The following RBFOX2 variants were observed in gnomAD, a reference collection of about 807,000 sequenced individuals.
RBFOX2 encodes RNA binding fox-1 homolog 2, also known as RNA binding protein fox-1 homolog 2.
A neutral mutation model predicts 49.1 loss-of-function variants in RBFOX2; 10 were observed. That is an observed-to-expected ratio of 0.20 (90% CI 0.13 to 0.35). The LOEUF (loss-of-function observed/expected upper bound fraction) is 0.35. Ranked by LOEUF, RBFOX2 falls within the 10% of genes least tolerant of loss-of-function variation. The probability of loss-of-function intolerance (pLI) is 1.00; values close to 1 mark genes in which losing one functional copy is unlikely to be tolerated. For missense variants in RBFOX2, 323 were observed against 486.9 expected (o/e 0.66, Z 3.17); for synonymous variants, 183 against 187.4 (o/e 0.98, Z 0.19).
intron 2 of RBFOX2, among the ~76,000 whole-genome samples, chr22:35,783,737 C>T (rs984348928): frequency 6.6e-6 from 1 of 152,210 alleles, no homozygotes; most frequent in African/African-American, 2.4e-5. Context: ...ACGTGTCCTG[C>T]ATGGAATCAC....
At chr22:35,890,765 G>A (rs1416292794) in intron 1 of RBFOX2, among the ~76,000 whole-genome samples, 6 of 152,038 alleles carry the variant, frequency 3.9e-5, no homozygotes, top group Non-Finnish European at 1.5e-5. Flanking sequence ...GCACTGAGGA[G>A]TAAATGTTAT....
At chr22:36,020,452 T>C (rs1257590266) in intron 1 of RBFOX2, among the ~76,000 whole-genome samples, 1 of 151,992 alleles carries the variant, frequency 6.6e-6, no homozygotes, top group African/African-American at 2.4e-5. Context: ...ACCATCAGAG[T>C]GAACAGGCAA....
intron 1 of RBFOX2, among the ~76,000 whole-genome samples, chr22:35,854,442 C>T (rs902460654): frequency 7.9e-5 from 12 of 151,924 alleles, no homozygotes; most frequent in Admixed American, 2.0e-4. Flanking sequence ...AAAAAATTAG[C>T]TGGGTATGGT....
At chr22:35,739,951 T>C (rs1601932634) in exon 12 of RBFOX2, 1 of 152,758 alleles carries the variant, frequency 6.5e-6, no homozygotes, top group African/African-American at 2.4e-5. Context: ...ATCTACCGTT[T>C]TCCTGAGTAA....
chr22:35,936,193 C>T (rs1164830615), intron 1 of RBFOX2, among the ~76,000 whole-genome samples: 3 of 128,606 alleles, frequency 2.3e-5, no homozygotes, highest in Non-Finnish European at 4.7e-5. Flanking sequence ...GTATGGGTGA[C>T]AGAGCAAGAC....
At chr22:35,912,676 T>G (rs1373399563) in intron 1 of RBFOX2, among the ~76,000 whole-genome samples, 1 of 152,236 alleles carries the variant, frequency 6.6e-6, no homozygotes, top group Non-Finnish European at 1.5e-5. Context: ...TTTTCAGTTG[T>G]TAAACTTATC....
At chr22:35,767,215 A>C (rs1031725191) in intron 5 of RBFOX2, among the ~76,000 whole-genome samples, 1 of 152,210 alleles carries the variant, frequency 6.6e-6, no homozygotes, top group Non-Finnish European at 1.5e-5. Flanking sequence ...AGCATTGAAA[A>C]TAAAAGGGGG....
chr22:35,869,471 A>G (rs958170472), intron 1 of RBFOX2, among the ~76,000 whole-genome samples: 3 of 65,186 alleles, frequency 4.6e-5, no homozygotes, highest in African/African-American at 3.5e-4. Flanking sequence ...CGGCTGACCA[A>G]AAAAAAAAAA....
In RBFOX2 at chr22:35,818,351, T is replaced by C. The variant is rs150457776; in HGVS notation, c.28-8347A>G. ...CTGTCTGTTCTATTCAATGTAAATA[T>C]TCTATTCCAATGGATTTACACAATC... On this transcript the variant is annotated intron_variant, in intron 1 of 11. Coordinates refer to ENST00000405409, the Ensembl canonical transcript of RBFOX2. Among the ~76,000 whole-genome samples, 1,265 of 152,376 alleles carry C rather than the reference T, an allele frequency of 8.3e-3. 10 individuals carry two copies. Among genetic ancestry groups the C allele is most frequent in the Non-Finnish European group, 0.012 (798 of 68,040 alleles).
At chr22:35,764,958 T>C (rs965219849) in intron 6 of RBFOX2, among the ~76,000 whole-genome samples, 4 of 151,966 alleles carry the variant, frequency 2.6e-5, no homozygotes, top group African/African-American at 7.3e-5. Flanking sequence ...CTGTTATCTC[T>C]AGGGCTAAGG....
chr22:35,863,219 T>C (rs1419373989), intron 1 of RBFOX2, among the ~76,000 whole-genome samples: 1 of 152,174 alleles, frequency 6.6e-6, no homozygotes, highest in African/African-American at 2.4e-5. Flanking sequence ...ATATTTGTTA[T>C]TTTGTAACAT....
chr22:35,751,941 A>G (rs1273973160), intron 9 of RBFOX2, among the ~76,000 whole-genome samples: 1 of 152,216 alleles, frequency 6.6e-6, no homozygotes, highest in Non-Finnish European at 1.5e-5. Flanking sequence ...CCACATAAAT[A>G]AACTGGATTG....
chr22:35,975,600 G>A (rs139439056), intron 1 of RBFOX2, among the ~76,000 whole-genome samples: 17 of 152,060 alleles, frequency 1.1e-4, no homozygotes, highest in African/African-American at 3.9e-4. Context: ...TCTAATCCCA[G>A]TAAATCCTAA....
intron 1 of RBFOX2, among the ~76,000 whole-genome samples, chr22:35,815,970 G>A (rs1348889739): frequency 6.6e-6 from 1 of 152,076 alleles, no homozygotes; most frequent in Non-Finnish European, 1.5e-5. Flanking sequence ...AGTGGCTTCT[G>A]CCCAGCTGTC....
At chr22:35,972,651 G>A (rs1007965178) in intron 1 of RBFOX2, among the ~76,000 whole-genome samples, 15 of 152,122 alleles carry the variant, frequency 9.9e-5, no homozygotes, top group African/African-American at 3.6e-4. Flanking sequence ...TAAAACATAA[G>A]AGTACACACA....
intron 1 of RBFOX2, among the ~76,000 whole-genome samples, chr22:35,924,912 G>A (rs977275831): frequency 1.3e-5 from 2 of 152,184 alleles, no homozygotes; most frequent in East Asian, 3.9e-4. Flanking sequence ...GGTGGCTCAC[G>A]CCTGTAATCC....
chr22:35,795,291 G>A (rs1948572732), intron 2 of RBFOX2, among the ~76,000 whole-genome samples: 1 of 152,118 alleles, frequency 6.6e-6, no homozygotes, highest in Admixed American at 6.5e-5. Flanking sequence ...ATGGCTGAAT[G>A]AATAAATTCC....
chr22:36,023,688 T>C (rs1276298428), intron 1 of RBFOX2, among the ~76,000 whole-genome samples: 1 of 152,206 alleles, frequency 6.6e-6, no homozygotes, highest in East Asian at 1.9e-4. Flanking sequence ...GTACTCTCTT[T>C]AACTACATTT....
At chr22:35,905,452 T>C (rs1380213101) in intron 1 of RBFOX2, among the ~76,000 whole-genome samples, 1 of 152,178 alleles carries the variant, frequency 6.6e-6, no homozygotes, top group African/African-American at 2.4e-5. Context: ...ATTTTACTGT[T>C]AAGAAGAAAT....
Sources: gnomAD v4.1 joint callset for allele counts (sites outside exome capture counted in the v4.1 genomes callset) on GRCh38, gnomAD v4.1.1 for gene constraint, MANE v1.5 for transcripts, NCBI Gene and HGNC (gene_info 2026-07-23, HGNC 2026-07-21) for gene names.